The following HS6ST3 variants were observed in gnomAD, a reference collection of about 807,000 sequenced individuals.
HS6ST3 encodes heparan-sulfate 6-O-sulfotransferase 3.
Under a neutral mutation model 36.7 loss-of-function variants are expected in HS6ST3, and 12 were observed. The observed-to-expected ratio is 0.33, with a 90% CI of 0.21 to 0.53. The LOEUF is 0.53. Ranked by LOEUF, HS6ST3 falls within the 20% of genes least tolerant of loss-of-function variation. HS6ST3 has a pLI of 0.95. For synonymous variants in HS6ST3, 240 were observed against 257.5 expected (o/e 0.93, Z 0.65); for missense variants, 584 against 640.9 (o/e 0.91, Z 0.96).
rs545928925 is a variant in HS6ST3, at chr13:96,480,217, G to A, written c.708-352273G>A. On this transcript the variant is annotated intron_variant, in intron 1 of 1. Coordinates refer to ENST00000376705, the MANE Select transcript of HS6ST3 (RefSeq NM_153456.4). Reference sequence around the variant, plus strand: ...CAACATCTGCCTTCTGGGTTCAAGCGATTCTTCTGCCTCAGCCTCCCGAGT... The same window carrying A: ...CAACATCTGCCTTCTGGGTTCAAGCAATTCTTCTGCCTCAGCCTCCCGAGT... Among the ~76,000 whole-genome samples, 6 of 152,216 alleles carry A rather than the reference G, an allele frequency of 3.9e-5. No individual in the cohort carries two copies. In the South Asian group the frequency reaches 6.2e-4, roughly 16 times the overall value.
rs145436017 is a variant in HS6ST3, at chr13:96,793,718, G to A, written c.708-38772G>A. The stretch of plus-strand genomic sequence containing the variant: ...ATAATTTAAACAACCATCATTAGAC[G>A]ATGCACATTTGATGTCTAATTAAAT... On this transcript the variant is annotated intron_variant, in intron 1 of 1. Coordinates refer to ENST00000376705, the MANE Select transcript of HS6ST3 (RefSeq NM_153456.4). 1.2e-3 allele frequency among the ~76,000 whole-genome samples: 185 copies of A among 152,148 alleles called. 1 individual carries two copies. The highest frequency in any genetic ancestry group is 2.0e-3 in the Non-Finnish European group (137 of 67,964).
chr13:96,132,018 G>A (rs971144960), intron 1 of HS6ST3, among the ~76,000 whole-genome samples: 1 of 151,392 alleles, frequency 6.6e-6, no homozygotes, highest in African/African-American at 2.4e-5. Context: ...ACTTGTCTTT[G>A]TGTGTCTGGC....
intron 1 of HS6ST3, among the ~76,000 whole-genome samples, chr13:96,591,168 G>A (rs886288945): frequency 6.6e-6 from 1 of 151,418 alleles, no homozygotes; most frequent in Admixed American, 6.6e-5. Flanking sequence ...GCATAGCTTT[G>A]ACTATTCTGA....
intron 1 of HS6ST3, among the ~76,000 whole-genome samples, chr13:96,247,872 T>G (rs892881898): frequency 1.3e-5 from 2 of 152,060 alleles, no homozygotes; most frequent in Non-Finnish European, 2.9e-5. Flanking sequence ...AATGTGAGGG[T>G]CATTTTAAAT....
At chr13:96,280,646 A>G (rs1051667512) in intron 1 of HS6ST3, among the ~76,000 whole-genome samples, 1 of 152,248 alleles carries the variant, frequency 6.6e-6, no homozygotes, top group Non-Finnish European at 1.5e-5. Context: ...CTTGAGCTAC[A>G]TAACACAAAA....
chr13:96,759,866 G>C (rs1049367478), intron 1 of HS6ST3, among the ~76,000 whole-genome samples: 1 of 151,914 alleles, frequency 6.6e-6, no homozygotes, highest in Non-Finnish European at 1.5e-5. Context: ...CCTAATAATT[G>C]ATTCTTAGCT....
chr13:96,797,323 G>GAT (rs1877938461), intron 1 of HS6ST3, among the ~76,000 whole-genome samples: 2 of 152,082 alleles, frequency 1.3e-5, no homozygotes, highest in Admixed American at 1.3e-4. Flanking sequence ...ACGGGGTCCT[G>GAT]CTCAGAGTTC....
At chr13:96,648,977 G>A (rs2056598504) in intron 1 of HS6ST3, among the ~76,000 whole-genome samples, 1 of 151,842 alleles carries the variant, frequency 6.6e-6, no homozygotes, top group South Asian at 2.1e-4. Flanking sequence ...ATTGATCTCA[G>A]ACCTCTCTGC....
At chr13:96,399,429 C>T (rs2055438042) in intron 1 of HS6ST3, among the ~76,000 whole-genome samples, 1 of 152,176 alleles carries the variant, frequency 6.6e-6, no homozygotes, top group Non-Finnish European at 1.5e-5. Context: ...AGCAAGATTA[C>T]TTACTGTTCA....
At chr13:96,253,056 T>A (rs1369060250) in intron 1 of HS6ST3, among the ~76,000 whole-genome samples, 1 of 152,164 alleles carries the variant, frequency 6.6e-6, no homozygotes, top group Non-Finnish European at 1.5e-5. Context: ...CAGAGACATG[T>A]GAGGTATTGC....
chr13:96,686,627 A>G (rs1252066556), intron 1 of HS6ST3, among the ~76,000 whole-genome samples: 1 of 152,036 alleles, frequency 6.6e-6, no homozygotes, highest in Non-Finnish European at 1.5e-5. Flanking sequence ...CAGCGGGCCT[A>G]TGTGTCCTGC....
intron 1 of HS6ST3, among the ~76,000 whole-genome samples, chr13:96,784,632 A>G (rs1203405999): frequency 1.3e-5 from 2 of 152,208 alleles, no homozygotes; most frequent in Non-Finnish European, 2.9e-5. Flanking sequence ...AATGCATTTT[A>G]TGGCTCTTAT....
intron 1 of HS6ST3, among the ~76,000 whole-genome samples, chr13:96,812,261 G>A (rs570365121): frequency 6.6e-6 from 1 of 152,262 alleles, no homozygotes; most frequent in South Asian, 2.1e-4. Context: ...TTCTTCAAAT[G>A]TTTCAACAAC....
chr13:96,584,194 G>A (rs1362077439), intron 1 of HS6ST3, among the ~76,000 whole-genome samples: 2 of 152,114 alleles, frequency 1.3e-5, no homozygotes, highest in African/African-American at 2.4e-5. Context: ...CTGGAGTGCA[G>A]TGACACAATC....
intron 1 of HS6ST3, among the ~76,000 whole-genome samples, chr13:96,190,555 G>A (rs530057779): frequency 6.6e-6 from 1 of 152,184 alleles, no homozygotes; most frequent in South Asian, 2.1e-4. Context: ...AATATTTACT[G>A]ACTCCTTACC....
chr13:96,192,419 C>T (rs200113817), intron 1 of HS6ST3, among the ~76,000 whole-genome samples: 4 of 152,082 alleles, frequency 2.6e-5, no homozygotes, highest in Admixed American at 6.6e-5. Flanking sequence ...ATCCAATAGA[C>T]GCTTTTTCAA....
At chr13:96,179,596 G>A (rs1355783684) in intron 1 of HS6ST3, among the ~76,000 whole-genome samples, 6 of 152,034 alleles carry the variant, frequency 3.9e-5, no homozygotes. Flanking sequence ...GATCATTCAC[G>A]GCCTCTTCTT....
intron 1 of HS6ST3, among the ~76,000 whole-genome samples, chr13:96,652,826 G>A (rs2056612178): frequency 6.6e-6 from 1 of 151,984 alleles, no homozygotes; most frequent in Non-Finnish European, 1.5e-5. Context: ...TAAAAAGGTG[G>A]TGCTGGGTCT....
chr13:96,639,428 T>C (rs1258912055), intron 1 of HS6ST3, among the ~76,000 whole-genome samples: 1 of 152,020 alleles, frequency 6.6e-6, no homozygotes. Context: ...TTTGAAAGTG[T>C]GTCTCTTTTA....
Sources: allele counts gnomAD v4.1 joint callset (sites outside exome capture counted in the v4.1 genomes callset), GRCh38; gene constraint gnomAD v4.1.1; transcripts MANE v1.5; gene names NCBI Gene and HGNC (gene_info 2026-07-23, HGNC 2026-07-21).